Variants in ZNF420 observed in about 807,000 individuals in gnomAD.
ZNF420 encodes ATM and p53-associated KZNF protein.
Under a neutral mutation model 44.7 loss-of-function variants are expected in ZNF420, and 31 were observed. The ratio of observed to expected loss-of-function variants is 0.69; its 90% CI spans 0.52 to 0.94. The LOEUF (loss-of-function observed/expected upper bound fraction) is 0.94. Ranked by LOEUF, ZNF420 falls within the 40% of genes least tolerant of loss-of-function variation. The pLI, the probability that ZNF420 is intolerant of heterozygous loss-of-function variation, is 0.00. For missense variants in ZNF420, 681 were observed against 827.9 expected (o/e 0.82, Z 2.18); for synonymous variants, 245 against 267.4 (o/e 0.92, Z 0.82).
chr19:37,022,059 T>C (rs889200032), intron 1 of ZNF420, among the ~76,000 whole-genome samples: 6 of 151,782 alleles, frequency 4.0e-5, no homozygotes, highest in African/African-American at 1.5e-4. Flanking sequence ...CTAATTTTCT[T>C]ATGTGTGATT....
chr19:37,012,939 C>T (rs920472682), intron 1 of ZNF420, among the ~76,000 whole-genome samples: 1 of 151,988 alleles, frequency 6.6e-6, no homozygotes, highest in African/African-American at 2.4e-5. Flanking sequence ...CTGTTTCTTT[C>T]TTGTAAGCCT....
intron 1 of ZNF420, among the ~76,000 whole-genome samples, chr19:37,044,355 AAAAC>A (rs1409048760): frequency 6.6e-6 from 1 of 152,140 alleles, no homozygotes; most frequent in Non-Finnish European, 1.5e-5. Context: ...TATCTTTGTA[AAAAC>A]AAACAAAACC....
At chr19:37,061,246 G>A (rs934599110) in intron 1 of ZNF420, among the ~76,000 whole-genome samples, 1 of 152,132 alleles carries the variant, frequency 6.6e-6, no homozygotes. Context: ...TTCCCTGTTT[G>A]CACGTGTCCT....
intron 4 of ZNF420, among the ~76,000 whole-genome samples, chr19:37,104,241 G>GT (rs1380242506): frequency 1.1e-4 from 16 of 149,994 alleles, no homozygotes; most frequent in Non-Finnish European, 2.1e-4. Flanking sequence ...TGTGGTGTTT[G>GT]TTTTTTTGTC....
At chr19:37,126,171 A>G (rs757638789) in intron 4 of ZNF420, among the ~76,000 whole-genome samples, 4 of 152,186 alleles carry the variant, frequency 2.6e-5, no homozygotes, top group East Asian at 1.9e-4. Context: ...TATAATTGCT[A>G]TCATCTAGAA....
At chr19:37,058,036 T>C (rs1967791119) in intron 1 of ZNF420, among the ~76,000 whole-genome samples, 1 of 152,294 alleles carries the variant, frequency 6.6e-6, no homozygotes, top group African/African-American at 2.4e-5. Flanking sequence ...GTGTCTTGCC[T>C]GGGATCTGGC....
intron 1 of ZNF420, among the ~76,000 whole-genome samples, chr19:37,033,518 T>G (rs976787105): frequency 2.0e-5 from 3 of 152,232 alleles, no homozygotes; most frequent in African/African-American, 7.2e-5. Context: ...TCATCCATGT[T>G]GTAGCATGCA....
chr19:37,060,323 G>A lies in ZNF420; in HGVS notation c.-124-20022G>A, dbSNP rs115955473. ...ACGATACAATCTTAAAGAAGAAGCT[G>A]GGATGGGGACACGGCAAGGATCCCT... On this transcript the variant is annotated intron_variant, in intron 1 of 4. Transcript: ENST00000587029. Among the ~76,000 whole-genome samples, 341 of 152,226 alleles carry A rather than the reference G, an allele frequency of 2.2e-3. 1 individual carries two copies. The highest frequency in any genetic ancestry group is 7.9e-3 in the African/African-American group (328 of 41,538).
chr19:37,122,631 C>T (rs1971116984), intron 4 of ZNF420, among the ~76,000 whole-genome samples: 1 of 151,876 alleles, frequency 6.6e-6, no homozygotes, highest in Admixed American at 6.6e-5. Flanking sequence ...AACAACAACA[C>T]ATTTTTCACA....
In ZNF420 at chr19:37,127,063, C is replaced by T. The variant is rs992314339; in HGVS notation, c.137-65C>T. On this transcript the variant is annotated intron_variant, in intron 4 of 4. Coordinates refer to ENST00000337995, the MANE Select transcript of ZNF420 (RefSeq NM_144689.5). Reference sequence around the variant, plus strand: ...TGTTATTTCTTATGGGCATTATTTTCCTATTATTTGTCTTTTCTATAGAAG... The same window carrying T: ...TGTTATTTCTTATGGGCATTATTTTTCTATTATTTGTCTTTTCTATAGAAG... 7 of 1,315,108 alleles carry T rather than the reference C, an allele frequency of 5.3e-6. No individual in the cohort carries two copies. The African/African-American group carries it at 6.0e-5, about 11-fold the overall frequency. The allele number at this position is 1,315,108 out of a possible 1,614,324, so 81.5% of individuals were successfully genotyped here.
intron 3 of ZNF420, 41 bp downstream of exon 3, chr19:37,089,168 T>C: frequency 6.3e-7 from 1 of 1,578,434 alleles, no homozygotes; most frequent in Non-Finnish European, 8.7e-7. Flanking sequence ...CTTACTTTTT[T>C]ACAGAGCATG....
chr19:37,017,255 T>A (rs544701851), intron 1 of ZNF420, among the ~76,000 whole-genome samples: 1 of 152,286 alleles, frequency 6.6e-6, no homozygotes, highest in African/African-American at 2.4e-5. Context: ...GTGAGAGTAG[T>A]CTTGTGGGAC....
At chr19:37,016,642 G>A (rs2074610862) in intron 1 of ZNF420, among the ~76,000 whole-genome samples, 1 of 152,168 alleles carries the variant, frequency 6.6e-6, no homozygotes, top group South Asian at 2.1e-4. Flanking sequence ...TGGCCACCTT[G>A]GCTCCACTTT....
At chr19:37,101,667 C>T (rs2146601375) in intron 4 of ZNF420, among the ~76,000 whole-genome samples, 1 of 152,372 alleles carries the variant, frequency 6.6e-6, no homozygotes, top group Non-Finnish European at 1.5e-5. Flanking sequence ...AGGCTTCCTG[C>T]TAGCCTTGCA....
chr19:37,128,556 A>T lies in ZNF420; in HGVS notation c.1565A>T (p.Gln522Leu). The T allele has an allele frequency of 6.2e-7, 1 of 1,613,954 alleles. No individual in the cohort carries two copies. Among genetic ancestry groups the T allele is most frequent in the Non-Finnish European group, 8.5e-7 (1 of 1,179,948 alleles). ...CAGAGTTCACATCTTTCCCAACATC[A>T]AAGACTTCACACTGGTGAGAAACCC... ...FTQSSHLSQH[Q>L]RLHTGEKPYV... The change falls in exon 5 of 5, where the codon CAA becomes CTA. Residue 522 changes from glutamine to leucine, a missense_variant. Gln to Leu is a moderately radical substitution (Grantham distance 113). Coordinates refer to ENST00000337995, the MANE Select transcript of ZNF420 (RefSeq NM_144689.5).
rs149330831 is a variant in ZNF420 at position 37,047,498 on chromosome 19, C to T, written c.-124-32847C>T. On this transcript the variant is annotated intron_variant, in intron 1 of 4. Transcript: ENST00000587029. The stretch of plus-strand genomic sequence containing the variant: ...CCAGCCTATGGAACTTTGAGAAATA[C>T]ATTTCTGTTCTTCATAAATTACACA... Among the ~76,000 whole-genome samples, 21 of 152,306 alleles carry T rather than the reference C, an allele frequency of 1.4e-4. 1 individual carries two copies. The highest frequency in any genetic ancestry group is 5.1e-4 in the African/African-American group (21 of 41,570).
chr19:37,115,141 G>T, intron 4 of ZNF420: 2 of 175,534 alleles, frequency 1.1e-5, no homozygotes, highest in South Asian at 3.5e-4. Context: ...TGTCCTCATT[G>T]ACCACGCTCG....
intron 2 of ZNF420, among the ~76,000 whole-genome samples, chr19:37,083,167 G>C (rs889828252): frequency 1.7e-4 from 25 of 144,096 alleles, no homozygotes; most frequent in African/African-American, 6.0e-4. Flanking sequence ...CCCCGTTTTT[G>C]CTTTTTTTTT....
In ZNF420 at chr19:37,012,766, C is replaced by CTG. The variant is rs1313118317; in HGVS notation, c.-125+4730_-125+4731dup. Among the ~76,000 whole-genome samples the CTG allele has an allele frequency of 6.2e-5, 3 of 48,130 alleles. No homozygotes were observed. The South Asian group carries it at 1.7e-3, about 28-fold the overall frequency. 31.6% of individuals were successfully genotyped at this position (48,130 alleles called of 152,430 possible). On this transcript the variant is annotated intron_variant, in intron 1 of 4. Transcript: ENST00000587029. ...GCTTCTGTGCCACTGCTATATGTCT[C>CTG]TGTGTGTGTGTGTGTGTGTGTGTGT...
Sources: allele counts gnomAD v4.1 joint callset (sites outside exome capture counted in the v4.1 genomes callset), GRCh38; gene constraint gnomAD v4.1.1; transcripts MANE v1.5; gene names NCBI Gene and HGNC (gene_info 2026-07-23, HGNC 2026-07-21).